SV2C: variants seen among roughly 807,000 people sequenced by gnomAD.
SV2C encodes solute carrier family 22 member B3.
Under a neutral mutation model 79.7 loss-of-function variants are expected in SV2C, and 49 were observed. That is an observed-to-expected ratio of 0.61 (90% CI 0.49 to 0.78). The LOEUF is 0.78. SV2C is among the 30% of genes least tolerant of loss of function. The pLI is 0.00. For missense variants in SV2C, 833 were observed against 912.9 expected (o/e 0.91, Z 1.13); for synonymous variants, 334 against 333.2 (o/e 1.00, Z -0.03).
rs760733960 is a variant in SV2C at position 76,291,845 on chromosome 5, C to A, written c.1326C>A (p.Thr442=). 3 of 1,607,206 alleles carry A rather than the reference C, an allele frequency of 1.9e-6. No individual in the cohort carries two copies. Among genetic ancestry groups the A allele is most frequent in the Non-Finnish European group, 2.6e-6 (3 of 1,175,820 alleles). Residue 442 remains threonine, a synonymous_variant, in exon 8 of 13, where the codon ACC becomes ACA. Transcript: ENST00000502798. The part of the protein sequence containing the change: ...NTIKLTIVWF[T]LSFGYYGLSV... ...TAAAGCTTACAATTGTTTGGTTCAC[C>A]CTGTCCTTTGGGTAAGTGATATTTA...
the SV2C span, among the ~76,000 whole-genome samples, chr5:75,983,643 A>AGT: frequency 6.6e-6 from 1 of 151,092 alleles, no homozygotes; most frequent in African/African-American, 2.4e-5. Flanking sequence ...ATAGGTGATG[A>AGT]GTGTATTTTG....
In SV2C at chr5:76,328,663, C is replaced by G. The variant is rs188309024; in HGVS notation, c.*3116C>G. On this transcript the variant is annotated 3_prime_UTR_variant, in exon 13 of 13. Coordinates refer to ENST00000502798, the MANE Select transcript of SV2C (RefSeq NM_014979.4). Reference sequence around the variant, plus strand: ...GAACATCTCTAGTTCTCACTTTCCCCGTGCACAAAATAAAGGATTGGGACT... The same window carrying G: ...GAACATCTCTAGTTCTCACTTTCCCGGTGCACAAAATAAAGGATTGGGACT... The G allele has an allele frequency of 6.6e-6, 1 of 152,170 alleles. No individual in the cohort carries two copies. Among genetic ancestry groups the G allele is most frequent in the Non-Finnish European group, 1.5e-5 (1 of 68,070 alleles). The allele number at this position is 152,170 out of a possible 1,614,324, so 9.4% of individuals were successfully genotyped here.
At position 76,300,909 on chromosome 5, in the gene SV2C, G is replaced by T; in HGVS notation, c.1817G>T (p.Arg606Ile). ...GNIVSALLMD[R>I]IGRLTMLGGS... is the part of the protein sequence containing the mutation. ...ATTGTGTCTGCTCTGCTGATGGACAGAATTGGGCGCTTAACAATGCTAGGT... is the reference window on the plus strand; with the variant it reads ...ATTGTGTCTGCTCTGCTGATGGACATAATTGGGCGCTTAACAATGCTAGGT... Residue 606 changes from arginine to isoleucine, a missense_variant, in exon 11 of 13, where the codon AGA (arginine) becomes ATA (isoleucine). By Grantham distance (97) the Arg-to-Ile change is moderately conservative. Transcript: ENST00000502798. The T allele has an allele frequency of 6.2e-7, 1 of 1,614,146 alleles. No individual in the cohort carries two copies. The highest frequency in any genetic ancestry group is 8.5e-7 in the Non-Finnish European group (1 of 1,179,986).
rs770175354 is a variant in SV2C at position 76,131,903 on chromosome 5, TGAA to T, written c.159_161del (p.Glu53del). 4 of 1,613,830 alleles carry T rather than the reference TGAA, an allele frequency of 2.5e-6. No homozygotes were observed. Among genetic ancestry groups the T allele is most frequent in the South Asian group, 1.1e-5 (1 of 91,058 alleles). The stretch of plus-strand genomic sequence containing the variant: ...AGAGGTCCTACAGTCGGTTCCAAGA[TGAA>T]GAAGATGATGATGACTACTACCCGG... On this transcript the variant is annotated inframe_deletion, in exon 2 of 13. Transcript: ENST00000502798.
chr5:76,228,052 C>A lies in SV2C; in HGVS notation c.913+18165C>A, dbSNP rs943626467. 1.1e-4 allele frequency among the ~76,000 whole-genome samples: 15 copies of A among 135,392 alleles called. No homozygotes were observed. The East Asian group carries it at 1.4e-3, about 12-fold the overall frequency. The allele number at this position is 135,392 out of a possible 152,430, so 88.8% of individuals were successfully genotyped here. A position where few individuals can be genotyped will look rare whatever the true frequency, so the allele number is the denominator to read the frequency against. ...GGCTTCTGGGGTTCTTTCTCTCTAT[C>A]TCTCTCTCTCTCTCTCTTTCTCTCT... is the stretch of plus-strand genomic sequence containing the variant. On this transcript the variant is annotated intron_variant, in intron 4 of 12. Coordinates refer to ENST00000502798, the MANE Select transcript of SV2C (RefSeq NM_014979.4).
chr5:76,164,785 T>A (rs1742999880), intron 2 of SV2C, among the ~76,000 whole-genome samples: 1 of 149,180 alleles, frequency 6.7e-6, no homozygotes, highest in Non-Finnish European at 1.5e-5. Flanking sequence ...CCTCAGTATC[T>A]GTGTGGGATT....
chr5:75,951,526 C>T, the SV2C span, among the ~76,000 whole-genome samples: 23 of 152,106 alleles, frequency 1.5e-4, no homozygotes, highest in African/African-American at 5.5e-4. Context: ...CCACTGTCTC[C>T]CATGCCAAGG....
At chr5:76,215,881 TGTTTCTGGGTGTCGCC>T (rs1744897231) in intron 4 of SV2C, among the ~76,000 whole-genome samples, 1 of 152,018 alleles carries the variant, frequency 6.6e-6, no homozygotes, top group South Asian at 2.1e-4. Context: ...AGGTGTTCGC[TGTTTCTGGGTGTCGCC>T]GTTTAGTAAT....
chr5:75,872,506 T>G, the SV2C span, among the ~76,000 whole-genome samples: 1 of 152,192 alleles, frequency 6.6e-6, no homozygotes, highest in East Asian at 1.9e-4. Context: ...AGTAAGATAT[T>G]GGCTCAAGAA....
the SV2C span, among the ~76,000 whole-genome samples, chr5:76,002,229 G>T: frequency 1.3e-5 from 2 of 151,970 alleles, no homozygotes; most frequent in African/African-American, 4.8e-5. Context: ...CGGGCATTTA[G>T]GTTGGTTCTA....
chr5:76,317,791 T>C (rs1748682753), intron 12 of SV2C, among the ~76,000 whole-genome samples: 1 of 152,220 alleles, frequency 6.6e-6, no homozygotes, highest in Non-Finnish European at 1.5e-5. Context: ...ATTACACCAC[T>C]GCACTCCAGC....
the SV2C span, among the ~76,000 whole-genome samples, chr5:76,053,397 G>A: frequency 6.8e-6 from 1 of 146,946 alleles, no homozygotes; most frequent in Non-Finnish European, 1.5e-5. Context: ...CAGATACTTT[G>A]ATCCTATGGT....
chr5:76,080,581 C>T (rs1323042598), upstream of SV2C, among the ~76,000 whole-genome samples: 2 of 152,208 alleles, frequency 1.3e-5, no homozygotes, highest in East Asian at 3.8e-4. Context: ...AATATAACCA[C>T]TATAGCATCT....
At chr5:76,340,383 C>A (rs1749418931) in intron 12 of SV2C, among the ~76,000 whole-genome samples, 1 of 152,176 alleles carries the variant, frequency 6.6e-6, no homozygotes, top group Admixed American at 6.5e-5. Flanking sequence ...ACTGCATGGA[C>A]TCACCCCTAA....
At chr5:76,285,953 C>A (rs1301968697) in intron 6 of SV2C, 83 bp downstream of exon 6, 1 of 1,301,248 alleles carries the variant, frequency 7.7e-7, no homozygotes, top group African/African-American at 1.5e-5. Context: ...ATATTTTAGA[C>A]TTTGCAAGTC....
chr5:75,861,370 G>A, the SV2C span, among the ~76,000 whole-genome samples: 17 of 152,236 alleles, frequency 1.1e-4, no homozygotes, highest in Non-Finnish European at 1.6e-4. Context: ...ATACACTGTT[G>A]ATGGGAATGT....
chr5:75,937,187 TCTC>T, the SV2C span, among the ~76,000 whole-genome samples: 2 of 152,206 alleles, frequency 1.3e-5, no homozygotes, highest in Non-Finnish European at 2.9e-5. Flanking sequence ...ATTACCTTCT[TCTC>T]ATATTATTAC....
chr5:76,047,584 GA>G, the SV2C span, among the ~76,000 whole-genome samples: 4 of 151,530 alleles, frequency 2.6e-5, no homozygotes, highest in African/African-American at 9.7e-5. Context: ...TGATTGAAAA[GA>G]AAAAAATATT....
chr5:76,239,023 C>T (rs894188135), intron 4 of SV2C, among the ~76,000 whole-genome samples: 5 of 152,156 alleles, frequency 3.3e-5, no homozygotes, highest in African/African-American at 1.2e-4. Flanking sequence ...TCACTCCTAT[C>T]CTCCTAAGTA....
Sources: gnomAD v4.1 joint callset for allele counts (sites outside exome capture counted in the v4.1 genomes callset) on GRCh38, gnomAD v4.1.1 for gene constraint, MANE v1.5 for transcripts, NCBI Gene and HGNC (gene_info 2026-07-23, HGNC 2026-07-21) for gene names.